Variants in SDK2 observed in about 807,000 individuals in gnomAD.
SDK2 encodes protein sidekick-2.
A neutral mutation model predicts 253.9 loss-of-function variants in SDK2; 105 were observed. That is an observed-to-expected ratio of 0.41 (90% CI 0.35 to 0.49). SDK2 has a LOEUF of 0.49. Ranked by LOEUF, SDK2 falls within the 20% of genes least tolerant of loss-of-function variation. SDK2 has a pLI of 0.06. For synonymous variants in SDK2, 1,249 were observed against 1,234.9 expected, an observed-to-expected ratio of 1.01 and a Z score of -0.24; for missense variants, 2,608 against 3,003.0, an observed-to-expected ratio of 0.87 and a Z score of 3.07.
At chr17:73,516,887 T>C (rs1309170861) in intron 1 of SDK2, 2 of 152,354 alleles carry the variant, frequency 1.3e-5, no homozygotes, top group East Asian at 3.9e-4. Context: ...AGGGGGGCAC[T>C]GGCCACCAGG....
intron 1 of SDK2, among the ~76,000 whole-genome samples, chr17:73,547,560 T>C (rs1216437949): frequency 2.6e-5 from 4 of 152,180 alleles, no homozygotes; most frequent in Admixed American, 2.6e-4. Flanking sequence ...CAGCAAGTCC[T>C]GTGTCCCATT....
intron 23 of SDK2, 35 bp from the exon 24 acceptor site, chr17:73,398,220 G>A (rs1321012820): frequency 1.2e-6 from 2 of 1,601,584 alleles, no homozygotes; most frequent in East Asian, 4.5e-5. Flanking sequence ...GATGGTAAGG[G>A]CAGCTCACCC....
At chr17:73,389,070 G>A (rs1292044275) in intron 29 of SDK2, among the ~76,000 whole-genome samples, 3 of 148,988 alleles carry the variant, frequency 2.0e-5, no homozygotes, top group East Asian at 2.0e-4. Flanking sequence ...GCAGTGGCAC[G>A]ATCATAGCTC....
intron 2 of SDK2, among the ~76,000 whole-genome samples, chr17:73,476,979 T>C (rs1285798183): frequency 6.6e-6 from 1 of 152,196 alleles, no homozygotes; most frequent in Non-Finnish European, 1.5e-5. Context: ...GCTCCCTGCC[T>C]GGGAGACCTA....
chr17:73,348,686 C>T lies in SDK2; in HGVS notation c.6078G>A (p.Ser2026=), dbSNP rs150319493. The T allele has an allele frequency of 3.0e-5, 48 of 1,611,410 alleles. No individual in the cohort carries two copies. Among genetic ancestry groups the T allele is most frequent in the African/African-American group, 8.0e-5 (6 of 74,904 alleles). The change falls in exon 44 of 45, where the codon TCG becomes TCA. Residue 2026 remains serine, a synonymous_variant. Coordinates refer to ENST00000392650, the MANE Select transcript of SDK2 (RefSeq NM_001144952.2). ...PRPSPGSLHY[S]DEDVTKYNDL... is the part of the protein sequence containing the mutation. ...CGTTGTATTTGGTGACATCCTCATC[C>T]GAGTAGTGCAGGCTGCCTGGGCTGG...
chr17:73,444,601 T>A lies in SDK2; in HGVS notation c.613+3014A>T, dbSNP rs185743907. On this transcript the variant is annotated intron_variant, in intron 5 of 44. Coordinates refer to ENST00000392650, the MANE Select transcript of SDK2 (RefSeq NM_001144952.2). ...ATCCATCCTCCCTGAATCACCTCAT[T>A]GAATCCTCCCATTTTTGCCATAGGC... is the stretch of plus-strand genomic sequence containing the variant. 5.3e-3 allele frequency among the ~76,000 whole-genome samples: 806 copies of A among 152,296 alleles called. 7 individuals carry two copies. Among genetic ancestry groups the A allele is most frequent in the African/African-American group, 0.018 (747 of 41,548 alleles).
In SDK2 at chr17:73,402,031, G is replaced by C. The variant is rs9302962; in HGVS notation, c.2595C>G (p.Thr865=). The C allele has an allele frequency of 0.4, 643,222 of 1,613,372 alleles. 134,382 individuals carry two copies. Among genetic ancestry groups the C allele is most frequent in the African/African-American group, 0.66 (49,186 of 75,010 alleles). The change falls in exon 19 of 45, where the codon ACC becomes ACG. Residue 865 remains threonine (T), a synonymous_variant. Coordinates refer to ENST00000392650, the MANE Select transcript of SDK2 (RefSeq NM_001144952.2). ...AACACAGCACTGAGGTGAAGTACTC[G>C]GTGAACTTCTTCAGGCCAGACACGA... ...VGFVSGLKKF[T]EYFTSVLCFT...
At chr17:73,410,816 T>C (rs1293522714) in intron 18 of SDK2, among the ~76,000 whole-genome samples, 1 of 152,224 alleles carries the variant, frequency 6.6e-6, no homozygotes, top group African/African-American at 2.4e-5. Context: ...GGCTGGGCAC[T>C]GACTGGACCT....
chr17:73,417,953 A>C (rs1019262310), intron 16 of SDK2, among the ~76,000 whole-genome samples: 1 of 151,150 alleles, frequency 6.6e-6, no homozygotes, highest in Non-Finnish European at 1.5e-5. Flanking sequence ...GATGCATTAC[A>C]ATGCCCTAAA....
At chr17:73,385,535 T>C (rs574841489) in intron 32 of SDK2, among the ~76,000 whole-genome samples, 1 of 152,220 alleles carries the variant, frequency 6.6e-6, no homozygotes, top group Admixed American at 6.5e-5. Context: ...TCACTGGCTA[T>C]GTGACCTGGG....
In SDK2 at chr17:73,605,904, C is replaced by G. The variant is rs115344709; in HGVS notation, c.64+38121G>C. On this transcript the variant is annotated intron_variant, in intron 1 of 44. Coordinates refer to ENST00000392650, the MANE Select transcript of SDK2 (RefSeq NM_001144952.2). ...CTGCTCTTCACCAAGCCCGGGAAAG[C>G]TGACACCCCATTTCCCTGACTGCCC... Among the ~76,000 whole-genome samples the G allele has an allele frequency of 3.0e-3, 452 of 152,180 alleles. 2 individuals are homozygous for G. Among genetic ancestry groups the G allele is most frequent in the African/African-American group, 0.01 (427 of 41,524 alleles).
chr17:73,385,235 C>T (rs1003078064), intron 32 of SDK2, among the ~76,000 whole-genome samples: 19 of 152,126 alleles, frequency 1.2e-4, no homozygotes, highest in African/African-American at 4.3e-4. Context: ...AGGAGGGCTC[C>T]GCGGGGCAGG....
intron 1 of SDK2, among the ~76,000 whole-genome samples, chr17:73,538,747 T>C (rs1262614260): frequency 6.6e-6 from 1 of 152,090 alleles, no homozygotes; most frequent in Non-Finnish European, 1.5e-5. Flanking sequence ...GAAAATCACA[T>C]AAGCAGGCAC....
chr17:73,339,522 AATTTT>A (rs56817130), intron 44 of SDK2, among the ~76,000 whole-genome samples: 106,248 of 151,308 alleles, frequency 0.7, 39,716 homozygotes, highest in Non-Finnish European at 0.82. Context: ...ATCCCTGGCA[AATTTT>A]ATTTTCTTTC....
chr17:73,643,964 G>GCCC lies in SDK2; in HGVS notation c.64+58_64+60dup. 4 of 516,326 alleles carry GCCC rather than the reference G, an allele frequency of 7.7e-6. No homozygotes were observed. The highest frequency in any genetic ancestry group is 2.6e-5 in the Admixed American group (1 of 38,474). 32.0% of individuals were successfully genotyped at this position (516,326 alleles called of 1,614,324 possible). A position where few individuals can be genotyped will look rare whatever the true frequency, so the allele number is the denominator to read the frequency against. On this transcript the variant is annotated intron_variant, in intron 1 of 44. Coordinates refer to ENST00000392650, the MANE Select transcript of SDK2 (RefSeq NM_001144952.2). This position sits in a 1 kb window ranked among gnomAD's most constrained non-coding sequence, Gnocchi z 6.9. ...ACCGTGAGGCCGGCCAGCTCCCGCC[G>GCCC]CCCCTCCCCCGCCCACTCTCCCAGC...
intron 2 of SDK2, among the ~76,000 whole-genome samples, chr17:73,483,511 A>AGG (rs2063741557): frequency 2.2e-5 from 1 of 44,608 alleles, no homozygotes; most frequent in Non-Finnish European, 4.3e-5. Context: ...GTGTGTGTGT[A>AGG]TGTGTGTGTG....
intron 1 of SDK2, among the ~76,000 whole-genome samples, chr17:73,545,099 G>GCGCGCACACACA (rs147498499): frequency 3.4e-5 from 5 of 145,716 alleles, no homozygotes; most frequent in African/African-American, 1.3e-4. Context: ...GCACGTGCAC[G>GCGCGCACACACA]CACACACACA....
At chr17:73,623,692 G>C (rs1599733934) in intron 1 of SDK2, among the ~76,000 whole-genome samples, 2 of 151,992 alleles carry the variant, frequency 1.3e-5, no homozygotes, top group African/African-American at 4.8e-5. Flanking sequence ...ATCCCCTTTC[G>C]GTCAGCTCCA....
chr17:73,516,877 A>T (rs2064033543), intron 1 of SDK2: 2 of 152,216 alleles, frequency 1.3e-5, no homozygotes, highest in Admixed American at 1.3e-4. Context: ...TAATCTGATT[A>T]GGGGGGCACT....
Sources: allele counts gnomAD v4.1 joint callset (sites outside exome capture counted in the v4.1 genomes callset), GRCh38; gene constraint gnomAD v4.1.1; non-coding constraint Gnocchi (gnomAD v3.1); transcripts MANE v1.5; gene names NCBI Gene and HGNC (gene_info 2026-07-23, HGNC 2026-07-21).